Variants in UNC5D observed in about 807,000 individuals in gnomAD.
UNC5D encodes the protein unc-5 netrin receptor D.
A neutral mutation model predicts 105.4 loss-of-function variants in UNC5D; 39 were observed. The observed-to-expected ratio is 0.37, with a 90% confidence interval of 0.29 to 0.48. UNC5D has a LOEUF of 0.48. UNC5D is among the 20% of genes least tolerant of loss of function. The pLI is 0.98. For synonymous variants in UNC5D, 452 were observed against 450.4 expected, an observed-to-expected ratio of 1.00 and a Z score of -0.04; for missense variants, 991 against 1,202.4, an observed-to-expected ratio of 0.82 and a Z score of 2.60.
chr8:35,350,143 T>C (rs1021210336), intron 1 of UNC5D, among the ~76,000 whole-genome samples: 1 of 152,006 alleles, frequency 6.6e-6, no homozygotes, highest in African/African-American at 2.4e-5. Context: ...TGAGAATAAT[T>C]GCCTTCAAAG....
intron 1 of UNC5D, among the ~76,000 whole-genome samples, chr8:35,355,961 C>T (rs545903557): frequency 6.6e-6 from 1 of 152,242 alleles, no homozygotes; most frequent in Admixed American, 6.5e-5. Flanking sequence ...TCCCAGCCTT[C>T]AGGCTAGAGT....
intron 1 of UNC5D, among the ~76,000 whole-genome samples, chr8:35,491,293 G>A (rs1281003837): frequency 1.3e-5 from 2 of 151,972 alleles, no homozygotes; most frequent in African/African-American, 4.8e-5. Context: ...TTATTTATTT[G>A]CCATGTATTT....
intron 4 of UNC5D, among the ~76,000 whole-genome samples, chr8:35,632,083 A>T (rs1822076298): frequency 6.6e-6 from 1 of 152,194 alleles, no homozygotes; most frequent in South Asian, 2.1e-4. Flanking sequence ...CAAGCACAGG[A>T]ATCTATTGCA....
chr8:35,281,220 T>C (rs1380246536), intron 1 of UNC5D, among the ~76,000 whole-genome samples: 1 of 152,094 alleles, frequency 6.6e-6, no homozygotes, highest in Non-Finnish European at 1.5e-5. Context: ...TTCACCTCTT[T>C]TTACTGACAA....
At chr8:35,706,106 A>G in intron 8 of UNC5D, 145 bp downstream of exon 8, 1 of 470,514 alleles carries the variant, frequency 2.1e-6, no homozygotes, top group East Asian at 4.4e-5. Context: ...TCAGAGTCAC[A>G]TATCAGAGGT....
intron 2 of UNC5D, among the ~76,000 whole-genome samples, chr8:35,552,531 A>G (rs1384684195): frequency 1.3e-5 from 2 of 152,190 alleles, no homozygotes; most frequent in South Asian, 2.1e-4. Context: ...TTTATTCCTG[A>G]CCATTTCTTC....
intron 1 of UNC5D, among the ~76,000 whole-genome samples, chr8:35,236,228 C>G (rs1585383378): frequency 6.6e-6 from 1 of 152,340 alleles, no homozygotes; most frequent in South Asian, 2.1e-4. Context: ...CTCTCCACTT[C>G]CTCTCAAGCC....
At chr8:35,575,816 G>T (rs944468476) in intron 3 of UNC5D, among the ~76,000 whole-genome samples, 4 of 152,048 alleles carry the variant, frequency 2.6e-5, no homozygotes, top group African/African-American at 7.2e-5. Context: ...CTATTGCAGG[G>T]TTTGAAAGTC....
At chr8:35,562,890 G>T (rs181636203) in intron 2 of UNC5D, among the ~76,000 whole-genome samples, 1 of 152,026 alleles carries the variant, frequency 6.6e-6, no homozygotes, top group South Asian at 2.1e-4. Flanking sequence ...CTCAACCAGT[G>T]TCCTGGAGAG....
At chr8:35,540,444 GGTGTGTGT>G (rs11467586) in intron 1 of UNC5D, among the ~76,000 whole-genome samples, 11 of 142,696 alleles carry the variant, frequency 7.7e-5, no homozygotes, top group East Asian at 2.1e-4. Flanking sequence ...AAAGCAGAGG[GGTGTGTGT>G]GTGTGTGTGT....
chr8:35,605,983 T>A lies in UNC5D; in HGVS notation c.570+10326T>A, dbSNP rs75390377. On this transcript the variant is annotated intron_variant, in intron 4 of 16. Coordinates refer to ENST00000404895, the MANE Select transcript of UNC5D (RefSeq NM_080872.4). ...CTTCCCCCTCAGTTTCCTTTTTTTT[T>A]ATTTATTTTTTATTTTTTTTTTGAG... 3.1e-4 allele frequency among the ~76,000 whole-genome samples: 47 copies of A among 151,920 alleles called. 1 individual carries two copies. Among genetic ancestry groups the A allele is most frequent in the East Asian group, 1.7e-3 (9 of 5,158 alleles).
chr8:35,693,470 C>G (rs941252696), intron 7 of UNC5D, among the ~76,000 whole-genome samples: 1 of 152,056 alleles, frequency 6.6e-6, no homozygotes, highest in African/African-American at 2.4e-5. Context: ...ATGATGGATG[C>G]GTATTTCATA....
At chr8:35,432,244 G>C (rs371256858) in intron 1 of UNC5D, among the ~76,000 whole-genome samples, 4 of 152,178 alleles carry the variant, frequency 2.6e-5, no homozygotes, top group East Asian at 3.9e-4. Context: ...ATTTAAAATA[G>C]CATTTGGCAC....
chr8:35,284,159 CT>C (rs1806410103), intron 1 of UNC5D, among the ~76,000 whole-genome samples: 1 of 152,084 alleles, frequency 6.6e-6, no homozygotes, highest in South Asian at 2.1e-4. Flanking sequence ...CTAGTGTATG[CT>C]TTTCTCTGAA....
At chr8:35,754,045 G>C (rs955829351) in intron 13 of UNC5D, among the ~76,000 whole-genome samples, 9 of 152,170 alleles carry the variant, frequency 5.9e-5, no homozygotes, top group African/African-American at 2.2e-4. Flanking sequence ...ATGTGATATT[G>C]CATTGGAGGA....
At chr8:35,604,929 C>A (rs1156280459) in intron 4 of UNC5D, among the ~76,000 whole-genome samples, 2 of 152,158 alleles carry the variant, frequency 1.3e-5, no homozygotes, top group East Asian at 3.9e-4. Context: ...ATTGGTTATT[C>A]TAGTTTTCCA....
At position 35,774,384 on chromosome 8, in the gene UNC5D, A is replaced by C; in HGVS notation, c.2564A>C (p.Tyr855Ser). ...QTGPKAFKIP[Y>S]SIRQRICATF... ...GGCCCCAAAGCCTTCAAAATTCCCT[A>C]CTCCATCAGACAGCGGATTTGTGCT... Residue 855 changes from tyrosine (Y) to serine (S), a missense_variant, in exon 16 of 17, where the codon TAC becomes TCC. By Grantham distance (144) the Tyr-to-Ser change is moderately radical. Transcript: ENST00000404895. 1.2e-6 allele frequency: 2 copies of C among 1,613,960 alleles called. No homozygotes were observed. The highest frequency in any genetic ancestry group is 1.7e-6 in the Non-Finnish European group (2 of 1,179,978).
At chr8:35,489,885 A>G (rs368368358) in intron 1 of UNC5D, among the ~76,000 whole-genome samples, 1 of 152,166 alleles carries the variant, frequency 6.6e-6, no homozygotes, top group East Asian at 1.9e-4. Flanking sequence ...TCAAAGATTT[A>G]TGTTCAGTTA....
At chr8:35,284,618 G>A (rs916917485) in intron 1 of UNC5D, among the ~76,000 whole-genome samples, 2 of 151,992 alleles carry the variant, frequency 1.3e-5, no homozygotes, top group African/African-American at 2.4e-5. Context: ...GCAGTGGCAC[G>A]ACCTCAGCTC....
Sources: allele counts gnomAD v4.1 joint callset (sites outside exome capture counted in the v4.1 genomes callset), GRCh38; gene constraint gnomAD v4.1.1; transcripts MANE v1.5; gene names NCBI Gene and HGNC (gene_info 2026-07-23, HGNC 2026-07-21).